FHIT: variants seen among roughly 807,000 people sequenced by gnomAD.
FHIT encodes bis(5'-adenosyl)-triphosphatase.
Under a neutral mutation model 17.9 loss-of-function variants are expected in FHIT, and 19 were observed. The ratio of observed to expected loss-of-function variants is 1.06; its 90% CI spans 0.74 to 1.56. The LOEUF is 1.56. Ranked by LOEUF, FHIT falls within the 40% of genes most tolerant of loss-of-function variation. The pLI is 0.00. For synonymous variants in FHIT, 81 were observed against 69.7 expected, an observed-to-expected ratio of 1.16 and a Z score of -0.81; for missense variants, 248 against 189.2, an observed-to-expected ratio of 1.31 and a Z score of -1.82.
In FHIT at chr3:60,280,719, T is replaced by G. The variant is rs577645908; in HGVS notation, c.103+256141A>C. Among the ~76,000 whole-genome samples, 9 of 152,284 alleles carry G rather than the reference T, an allele frequency of 5.9e-5. No homozygotes were observed. The East Asian group carries it at 1.7e-3, about 30-fold the overall frequency. ...GAACTGTCAGGGAAGAAATTTCTAT[T>G]GTTTGAAGCTACCAGTCTGTAATAA... On this transcript the variant is annotated intron_variant, in intron 5 of 9. Transcript: ENST00000492590.
At chr3:60,050,393 C>T (rs919677179) in intron 5 of FHIT, among the ~76,000 whole-genome samples, 1 of 152,066 alleles carries the variant, frequency 6.6e-6, no homozygotes, top group Non-Finnish European at 1.5e-5. Flanking sequence ...TTTATAGTTT[C>T]GCCTTCCATA....
chr3:60,476,772 G>A (rs1011934659), intron 5 of FHIT, among the ~76,000 whole-genome samples: 3 of 152,018 alleles, frequency 2.0e-5, no homozygotes, highest in Admixed American at 6.6e-5. Context: ...ACGGGAATGT[G>A]AAAACTCAGC....
At chr3:59,763,268 A>G (rs1319142183) in intron 8 of FHIT, among the ~76,000 whole-genome samples, 2 of 152,186 alleles carry the variant, frequency 1.3e-5, no homozygotes, top group Admixed American at 1.3e-4. Flanking sequence ...AGTGTAGGCA[A>G]GGAAACTCTC....
intron 5 of FHIT, among the ~76,000 whole-genome samples, chr3:60,149,210 C>G (rs973491278): frequency 7.9e-5 from 12 of 152,124 alleles, no homozygotes; most frequent in African/African-American, 2.7e-4. Context: ...TTTCTGTCAT[C>G]TATGCCATAG....
chr3:59,975,860 A>G (rs2107407237), intron 7 of FHIT, among the ~76,000 whole-genome samples: 1 of 147,430 alleles, frequency 6.8e-6, no homozygotes, highest in Non-Finnish European at 1.5e-5. Flanking sequence ...TTGGACTAGG[A>G]ATCCAACCTA....
In FHIT at chr3:59,953,891, C is replaced by T. The variant is rs375389790; in HGVS notation, c.280-31477G>A. ...CCCTTCTCATTGAGAGGTCCTGATGCCTGTGGTGTGAGTCAGTTTGAGTGT... is the reference window on the plus strand; with the variant it reads ...CCCTTCTCATTGAGAGGTCCTGATGTCTGTGGTGTGAGTCAGTTTGAGTGT... On this transcript the variant is annotated intron_variant, in intron 7 of 9. Coordinates refer to ENST00000492590, the MANE Select transcript of FHIT (RefSeq NM_002012.4). Among the ~76,000 whole-genome samples the T allele has an allele frequency of 1.8e-4, 28 of 152,296 alleles. No individual in the cohort carries two copies. In the East Asian group the frequency reaches 4.6e-3, roughly 25 times the overall value.
chr3:60,908,710 T>C (rs535596354), intron 3 of FHIT, among the ~76,000 whole-genome samples: 59 of 89,382 alleles, frequency 6.6e-4, no homozygotes, highest in African/African-American at 2.2e-3. Flanking sequence ...TAGAAGTCTC[T>C]TATGAAAAAA....
chr3:61,212,796 C>T (rs12489480), intron 1 of FHIT, among the ~76,000 whole-genome samples: 59,472 of 152,078 alleles, frequency 0.39, 11,949 homozygotes, highest in East Asian at 0.52. Context: ...AGACTAACAG[C>T]GGATATCTCG....
intron 5 of FHIT, among the ~76,000 whole-genome samples, chr3:60,205,129 A>G (rs1164196624): frequency 6.6e-6 from 1 of 151,966 alleles, no homozygotes; most frequent in Admixed American, 6.6e-5. Flanking sequence ...CTTTTTGTAC[A>G]GTGATAAGAC....
intron 5 of FHIT, among the ~76,000 whole-genome samples, chr3:60,074,534 T>C (rs1011939936): frequency 1.1e-4 from 16 of 152,070 alleles, no homozygotes; most frequent in Non-Finnish European, 2.9e-5. Context: ...AATGTGTGGA[T>C]TTTAGAAATG....
intron 7 of FHIT, among the ~76,000 whole-genome samples, chr3:59,942,623 T>G (rs1211055846): frequency 6.6e-6 from 1 of 152,130 alleles, no homozygotes; most frequent in Non-Finnish European, 1.5e-5. Flanking sequence ...TCTCCCATAC[T>G]TAGCTGTCTG....
chr3:60,403,875 T>C (rs1454956546), intron 5 of FHIT, among the ~76,000 whole-genome samples: 1 of 152,242 alleles, frequency 6.6e-6, no homozygotes, highest in Non-Finnish European at 1.5e-5. Flanking sequence ...TAAATTTGTA[T>C]GCCTTTTCTT....
chr3:61,217,745 T>G (rs1378246715), intron 1 of FHIT, among the ~76,000 whole-genome samples: 1 of 152,176 alleles, frequency 6.6e-6, no homozygotes, highest in African/African-American at 2.4e-5. Flanking sequence ...CAAGCACATA[T>G]GAAACATAAG....
In FHIT at chr3:59,748,085, C is replaced by T. The variant is rs1356746236; in HGVS notation, c.*1500G>A. Among the ~76,000 whole-genome samples, 1 of 152,166 alleles carries T rather than the reference C, an allele frequency of 6.6e-6. No individual in the cohort carries two copies. The highest frequency in any genetic ancestry group is 2.4e-5 in the African/African-American group (1 of 41,436). ...TTTAACACAGAGACTGAATCTCACT[C>T]CTAGTTGCTAAGGCAAGCAACTATG... On this transcript the variant is annotated 3_prime_UTR_variant, in exon 10 of 10. Transcript: ENST00000492590.
intron 5 of FHIT, among the ~76,000 whole-genome samples, chr3:60,330,889 T>C (rs962015048): frequency 1.3e-5 from 2 of 151,190 alleles, no homozygotes; most frequent in African/African-American, 4.9e-5. Context: ...GAGACAGGAG[T>C]GTGCATATTT....
At chr3:61,199,978 G>A (rs11130821) in intron 2 of FHIT, among the ~76,000 whole-genome samples, 1 of 151,824 alleles carries the variant, frequency 6.6e-6, no homozygotes, top group Non-Finnish European at 1.5e-5. Context: ...ACCTAGCAAA[G>A]AGGAAACAAT....
At chr3:60,942,466 T>C (rs1223230337) in intron 3 of FHIT, among the ~76,000 whole-genome samples, 1 of 152,166 alleles carries the variant, frequency 6.6e-6, no homozygotes, top group East Asian at 1.9e-4. Flanking sequence ...AGTATGGCCA[T>C]AAAGAAGTTA....
intron 8 of FHIT, among the ~76,000 whole-genome samples, chr3:59,788,844 T>C (rs17031558): frequency 0.024 from 3,517 of 148,732 alleles, 141 homozygotes; most frequent in African/African-American, 0.079. Flanking sequence ...CTCAGCCCAC[T>C]AATGTCTCAG....
intron 4 of FHIT, among the ~76,000 whole-genome samples, chr3:60,792,451 A>T (rs1553728818): frequency 1.3e-5 from 2 of 152,232 alleles, no homozygotes; most frequent in Admixed American, 6.5e-5. Context: ...ATGCAGTCAC[A>T]CATTCAGGAT....
Sources: gnomAD v4.1 joint callset for allele counts (sites outside exome capture counted in the v4.1 genomes callset) on GRCh38, gnomAD v4.1.1 for gene constraint, MANE v1.5 for transcripts, NCBI Gene and HGNC (gene_info 2026-07-23, HGNC 2026-07-21) for gene names.